Variants in MOGAT1 observed in about 807,000 individuals in gnomAD.
MOGAT1 encodes the protein monoacylglycerol O-acyltransferase 1.
Under a neutral mutation model 31.4 loss-of-function variants are expected in MOGAT1, and 32 were observed. The ratio of observed to expected loss-of-function variants is 1.02; its 90% confidence interval spans 0.77 to 1.37. The LOEUF (loss-of-function observed/expected upper bound fraction) is 1.37. Ranked by LOEUF, MOGAT1 falls within the 40% of genes most tolerant of loss-of-function variation. The pLI, the probability that MOGAT1 is intolerant of heterozygous loss-of-function variation, is 0.00. For synonymous variants in MOGAT1, 145 were observed against 144.5 expected, an observed-to-expected ratio of 1.00 and a Z score of -0.03; for missense variants, 426 against 402.0, an observed-to-expected ratio of 1.06 and a Z score of -0.51.
intron 1 of MOGAT1, among the ~76,000 whole-genome samples, chr2:222,683,413 G>T (rs189586542): frequency 1.4e-5 from 2 of 144,354 alleles, no homozygotes; most frequent in Admixed American, 6.9e-5. Context: ...TTTATGTTAT[G>T]TGAATTTCAC....
intron 5 of MOGAT1, among the ~76,000 whole-genome samples, chr2:222,705,765 T>A (rs1692997671): frequency 6.6e-6 from 1 of 152,194 alleles, no homozygotes; most frequent in African/African-American, 2.4e-5. Flanking sequence ...AGACCCTCGA[T>A]AAATAATAGC....
chr2:222,699,490 C>CCTT (rs1372008828), intron 5 of MOGAT1: 53 of 77,692 alleles, frequency 6.8e-4, no homozygotes, highest in African/African-American at 2.9e-3. Flanking sequence ...GGAGATATTT[C>CCTT]TTTTTTTTTT....
In MOGAT1 at chr2:222,701,432, AAG is replaced by A. The variant is rs559144397; in HGVS notation, c.853+6149_853+6150del. Among the ~76,000 whole-genome samples, 244 of 150,120 alleles carry A rather than the reference AAG, an allele frequency of 1.6e-3. 1 individual carries two copies. The highest frequency in any genetic ancestry group is 0.014 in the Middle Eastern group (4 of 294). On this transcript the variant is annotated intron_variant, in intron 5 of 5. Coordinates refer to ENST00000446656, the MANE Select transcript of MOGAT1 (RefSeq NM_058165.3). ...AGAGAGAAAAATAAAGAAAGAAAGA[AAG>A]AGAGGAGAGAAAGGAAGGAAGGAAG...
chr2:222,675,833 C>G (rs776397417), intron 1 of MOGAT1, among the ~76,000 whole-genome samples: 1 of 151,806 alleles, frequency 6.6e-6, no homozygotes, highest in African/African-American at 2.4e-5. Flanking sequence ...CACCATTTGA[C>G]TACCCTACAA....
At chr2:222,684,435 A>G (rs3886763) in intron 1 of MOGAT1, among the ~76,000 whole-genome samples, 498 of 152,142 alleles carry the variant, frequency 3.3e-3, no homozygotes, top group African/African-American at 0.011. Flanking sequence ...GGATTACAAA[A>G]CTATTGTGAT....
intron 5 of MOGAT1, among the ~76,000 whole-genome samples, chr2:222,709,381 T>A (rs1362652208): frequency 6.6e-6 from 1 of 152,104 alleles, no homozygotes; most frequent in Admixed American, 6.5e-5. Flanking sequence ...TCAGTAATAA[T>A]CAGGGCACTA....
chr2:222,672,887 TG>T (rs1307508039), intron 1 of MOGAT1, among the ~76,000 whole-genome samples: 5 of 119,834 alleles, frequency 4.2e-5, no homozygotes, highest in Non-Finnish European at 6.7e-5. Flanking sequence ...TCCTGGAATT[TG>T]TTTATTATTA....
At chr2:222,693,422 A>C (rs1427155256) in intron 3 of MOGAT1, among the ~76,000 whole-genome samples, 1 of 151,730 alleles carries the variant, frequency 6.6e-6, no homozygotes, top group East Asian at 1.9e-4. Flanking sequence ...GAGATCTGGC[A>C]AGTGATCTAG....
intron 2 of MOGAT1, among the ~76,000 whole-genome samples, chr2:222,688,738 T>C (rs1381188109): frequency 6.6e-6 from 1 of 152,182 alleles, no homozygotes; most frequent in Non-Finnish European, 1.5e-5. Flanking sequence ...CCAAAGATGC[T>C]GGCATCTGGC....
chr2:222,691,051 C>G lies in MOGAT1; in HGVS notation c.478+1582C>G, dbSNP rs190738419. ...TCATGGACAAGAGATGTAGGTACCC[C>G]CTTCTCCATAGCCTTATCAGACACA... is the stretch of plus-strand genomic sequence containing the variant. On this transcript the variant is annotated intron_variant, in intron 3 of 5. Transcript: ENST00000446656. Among the ~76,000 whole-genome samples the G allele has an allele frequency of 1.5e-3, 230 of 152,250 alleles. 1 individual carries two copies. Among genetic ancestry groups the G allele is most frequent in the Admixed American group, 0.013 (200 of 15,292 alleles).
chr2:222,701,296 GGAGGAGAGA>G (rs1357739421), intron 5 of MOGAT1, among the ~76,000 whole-genome samples: 1,117 of 94,678 alleles, frequency 0.012, 14 homozygotes, highest in African/African-American at 0.044. Context: ...GAGAGGAGGA[GGAGGAGAGA>G]GAGAGAGAGA....
intron 5 of MOGAT1, among the ~76,000 whole-genome samples, chr2:222,703,127 A>C (rs1455728670): frequency 3.3e-5 from 5 of 152,206 alleles, no homozygotes; most frequent in African/African-American, 1.2e-4. Flanking sequence ...GACCCAGAGA[A>C]GGGCAAGGGC....
chr2:222,682,497 A>G lies in MOGAT1; in HGVS notation c.95-5847A>G, dbSNP rs76170200. Among the ~76,000 whole-genome samples, 8 of 152,294 alleles carry G rather than the reference A, an allele frequency of 5.3e-5. No homozygotes were observed. In the East Asian group the frequency reaches 1.5e-3, roughly 29 times the overall value. Reference sequence around the variant, plus strand: ...AACCTGGACTTGACTAAGGTGATGGAATGTATTTCCCATTAGATCCTATGA... The same window carrying G: ...AACCTGGACTTGACTAAGGTGATGGGATGTATTTCCCATTAGATCCTATGA... On this transcript the variant is annotated intron_variant, in intron 1 of 5. Coordinates refer to ENST00000446656, the MANE Select transcript of MOGAT1 (RefSeq NM_058165.3).
At chr2:222,696,579 T>C (rs1692838878) in intron 5 of MOGAT1, among the ~76,000 whole-genome samples, 1 of 152,242 alleles carries the variant, frequency 6.6e-6, no homozygotes, top group Non-Finnish European at 1.5e-5. Flanking sequence ...CAGAATTGTC[T>C]ATTCATGTCC....
At chr2:222,690,354 G>C (rs1484456166) in intron 3 of MOGAT1, among the ~76,000 whole-genome samples, 2 of 152,106 alleles carry the variant, frequency 1.3e-5, no homozygotes, top group African/African-American at 4.8e-5. Flanking sequence ...GAGGTCAGGA[G>C]TTCGAGACCA....
intron 1 of MOGAT1, among the ~76,000 whole-genome samples, chr2:222,684,172 G>C (rs1256893885): frequency 6.6e-6 from 1 of 152,180 alleles, no homozygotes; most frequent in Non-Finnish European, 1.5e-5. Context: ...GGGAGGCCTA[G>C]GTGGGTGGAT....
At position 222,689,423 on chromosome 2, in the gene MOGAT1, A is replaced by G. The variant is rs757212126; in HGVS notation, c.432A>G (p.Pro144=). Residue 144 remains proline (P), a synonymous_variant, in exon 3 of 6, where the codon CCA becomes CCG. Coordinates refer to ENST00000446656, the MANE Select transcript of MOGAT1 (RefSeq NM_058165.3). ...PGFTSYLHVL[P]LWFWCPVFRE... is the part of the protein sequence containing the mutation. ...TTACTTCATATCTTCACGTGCTGCC[A>G]CTTTGGTTCTGGTGTCCTGTCTTTC... The G allele has an allele frequency of 6.2e-7, 1 of 1,613,766 alleles. No individual in the cohort carries two copies. The highest frequency in any genetic ancestry group is 1.7e-5 in the Admixed American group (1 of 60,004).
At chr2:222,696,046 T>C (rs1574975458) in intron 5 of MOGAT1, among the ~76,000 whole-genome samples, 1 of 152,352 alleles carries the variant, frequency 6.6e-6, no homozygotes, top group South Asian at 2.1e-4. Flanking sequence ...TTACTTCACT[T>C]AGAATAATGG....
chr2:222,708,075 G>T (rs1177718946), intron 5 of MOGAT1, among the ~76,000 whole-genome samples: 6 of 151,062 alleles, frequency 4.0e-5, no homozygotes, highest in African/African-American at 1.2e-4. Flanking sequence ...TCTTTTTTTT[G>T]TTGTTGTTTG....
Sources: allele counts gnomAD v4.1 joint callset (sites outside exome capture counted in the v4.1 genomes callset), GRCh38; gene constraint gnomAD v4.1.1; transcripts MANE v1.5; gene names NCBI Gene and HGNC (gene_info 2026-07-23, HGNC 2026-07-21).